Variants in SMYD3 observed in about 807,000 individuals in gnomAD.
SMYD3 encodes the protein histone-lysine N-methyltransferase SMYD3.
A neutral mutation model predicts 57.7 loss-of-function variants in SMYD3; 36 were observed. The observed-to-expected ratio is 0.62, with a 90% CI of 0.48 to 0.82. The LOEUF is 0.82. Ranked by LOEUF, SMYD3 falls within the 40% of genes least tolerant of loss-of-function variation. The pLI is 0.00. For synonymous variants in SMYD3, 211 were observed against 195.0 expected, an observed-to-expected ratio of 1.08 and a Z score of -0.68; for missense variants, 515 against 538.8, an observed-to-expected ratio of 0.96 and a Z score of 0.44.
At chr1:246,148,362 C>A (rs1176201002) in intron 5 of SMYD3, among the ~76,000 whole-genome samples, 1 of 152,098 alleles carries the variant, frequency 6.6e-6, no homozygotes, top group Non-Finnish European at 1.5e-5. Flanking sequence ...ATCTCCAGGG[C>A]CTCCTCTCTG....
chr1:246,189,744 G>A (rs77544111), intron 5 of SMYD3, among the ~76,000 whole-genome samples: 2,559 of 152,184 alleles, frequency 0.017, 66 homozygotes, highest in African/African-American at 0.059. Context: ...ATTTATGTAC[G>A]TATCATGGTA....
chr1:245,864,686 C>A (rs564727611), intron 8 of SMYD3, among the ~76,000 whole-genome samples: 2 of 151,728 alleles, frequency 1.3e-5, no homozygotes, highest in South Asian at 4.2e-4. Context: ...AAAATTGACA[C>A]CATGCTAGTT....
At chr1:246,256,481 T>C (rs1558354485) in intron 5 of SMYD3, among the ~76,000 whole-genome samples, 1 of 152,240 alleles carries the variant, frequency 6.6e-6, no homozygotes, top group African/African-American at 2.4e-5. Flanking sequence ...GAGGTGTTCA[T>C]AATAGTCTCT....
intron 7 of SMYD3, among the ~76,000 whole-genome samples, chr1:245,917,609 T>A (rs1307835294): frequency 6.6e-6 from 1 of 152,192 alleles, no homozygotes; most frequent in Non-Finnish European, 1.5e-5. Context: ...TCATCGCCTT[T>A]GAGTTTCAGT....
At chr1:246,362,213 C>T (rs910251677) in intron 1 of SMYD3, among the ~76,000 whole-genome samples, 7 of 152,052 alleles carry the variant, frequency 4.6e-5, no homozygotes, top group African/African-American at 1.7e-4. Flanking sequence ...GTATTTTATA[C>T]CCTTCAAATA....
chr1:245,793,338 T>A (rs1431848333), intron 10 of SMYD3, among the ~76,000 whole-genome samples: 1 of 152,086 alleles, frequency 6.6e-6, no homozygotes, highest in Non-Finnish European at 1.5e-5. Flanking sequence ...ATCTTCCATT[T>A]AAAGTTTCAC....
At chr1:246,440,434 C>A (rs1255771381) in intron 1 of SMYD3, among the ~76,000 whole-genome samples, 1 of 152,044 alleles carries the variant, frequency 6.6e-6, no homozygotes, top group Non-Finnish European at 1.5e-5. Flanking sequence ...ATCGTCACAC[C>A]CACTACACTG....
intron 5 of SMYD3, among the ~76,000 whole-genome samples, chr1:246,139,640 C>T (rs959357023): frequency 6.6e-6 from 1 of 152,126 alleles, no homozygotes; most frequent in African/African-American, 2.4e-5. Context: ...TATAGTTACA[C>T]ATGTAGAATT....
chr1:245,865,472 T>C (rs530159012), intron 8 of SMYD3, among the ~76,000 whole-genome samples: 1 of 152,328 alleles, frequency 6.6e-6, no homozygotes, highest in South Asian at 2.1e-4. Flanking sequence ...ACCCAGTTTA[T>C]ACATGACAAA....
chr1:245,794,846 G>C (rs1443854560), intron 10 of SMYD3, among the ~76,000 whole-genome samples: 1 of 151,682 alleles, frequency 6.6e-6, no homozygotes, highest in Non-Finnish European at 1.5e-5. Context: ...CTATTCTCCT[G>C]TTCTTGTTTC....
chr1:246,419,759 G>T (rs995269297), intron 1 of SMYD3, among the ~76,000 whole-genome samples: 2 of 152,222 alleles, frequency 1.3e-5, no homozygotes, highest in Admixed American at 6.5e-5. Flanking sequence ...TGCTCCTTAT[G>T]AGAATCTAAT....
chr1:246,054,625 T>C (rs182676160), intron 5 of SMYD3, among the ~76,000 whole-genome samples: 2 of 151,978 alleles, frequency 1.3e-5, no homozygotes, highest in African/African-American at 2.4e-5. Flanking sequence ...AACAGTTGGA[T>C]GTAAGGGTAC....
chr1:246,453,745 G>A (rs530359268), intron 1 of SMYD3, among the ~76,000 whole-genome samples: 1 of 152,324 alleles, frequency 6.6e-6, no homozygotes, highest in South Asian at 2.1e-4. Flanking sequence ...ATACACTTGA[G>A]CTTTGTCAGC....
intron 5 of SMYD3, among the ~76,000 whole-genome samples, chr1:246,120,370 C>T (rs2061406839): frequency 6.6e-6 from 1 of 152,096 alleles, no homozygotes; most frequent in Non-Finnish European, 1.5e-5. Flanking sequence ...CTGCCTGAAA[C>T]CAGACCTTAA....
intron 8 of SMYD3, among the ~76,000 whole-genome samples, chr1:245,890,472 T>C (rs1572603563): frequency 6.6e-6 from 1 of 152,034 alleles, no homozygotes; most frequent in African/African-American, 2.4e-5. Context: ...TGAACAGGTA[T>C]AAGAACATCC....
chr1:245,920,908 C>T (rs1404701896), intron 7 of SMYD3, among the ~76,000 whole-genome samples: 1 of 152,192 alleles, frequency 6.6e-6, no homozygotes, highest in Non-Finnish European at 1.5e-5. Context: ...AAGTCTTCAA[C>T]AGCAATTGCA....
At chr1:246,267,970 T>G (rs1281380508) in intron 5 of SMYD3, among the ~76,000 whole-genome samples, 6 of 152,196 alleles carry the variant, frequency 3.9e-5, no homozygotes, top group Admixed American at 1.3e-4. Context: ...GCCTCACACA[T>G]TCACCATTCC....
At chr1:246,096,613 T>C (rs1307988981) in intron 5 of SMYD3, among the ~76,000 whole-genome samples, 1 of 152,196 alleles carries the variant, frequency 6.6e-6, no homozygotes, top group East Asian at 1.9e-4. Context: ...TTCTGATTAA[T>C]ACGGGTACTT....
chr1:245,885,723 G>A (rs1008091940), intron 8 of SMYD3, among the ~76,000 whole-genome samples: 1 of 152,122 alleles, frequency 6.6e-6, no homozygotes, highest in South Asian at 2.1e-4. Context: ...TTATGGGGCA[G>A]CTGCATAAAA....
Sources: allele counts gnomAD v4.1 joint callset (sites outside exome capture counted in the v4.1 genomes callset), GRCh38; gene constraint gnomAD v4.1.1; transcripts MANE v1.5; gene names NCBI Gene and HGNC (gene_info 2026-07-23, HGNC 2026-07-21).